Variants in OOEP observed in about 807,000 individuals in gnomAD.
OOEP encodes oocyte-expressed protein homolog.
In OOEP, 16 loss-of-function variants were observed where a neutral mutation model predicts 13.7. The observed-to-expected ratio is 1.16, with a 90% CI of 0.79 to 1.77. The LOEUF is 1.77. Among genes scored for constraint, OOEP ranks in the 40% most tolerant of loss-of-function variants. The pLI, the probability that OOEP is intolerant of heterozygous loss-of-function variation, is 0.00. For synonymous variants in OOEP, 89 were observed against 77.1 expected (o/e 1.15, Z -0.81); for missense variants, 195 against 193.1 (o/e 1.01, Z -0.06).
upstream of OOEP, among the ~76,000 whole-genome samples, chr6:73,371,188 T>G (rs568240610): frequency 9.7e-4 from 148 of 152,338 alleles, no homozygotes; most frequent in Non-Finnish European, 1.7e-3. Flanking sequence ...TCCAGTTTTC[T>G]GCCCCTGATC....
At chr6:73,379,729 A>T (rs1304943412) in intron 2 of OOEP, among the ~76,000 whole-genome samples, 2 of 149,938 alleles carry the variant, frequency 1.3e-5, no homozygotes, top group East Asian at 3.9e-4. Flanking sequence ...CTGGTTTCTC[A>T]TATCTTTTTT....
intron 2 of OOEP, among the ~76,000 whole-genome samples, chr6:73,388,407 A>G (rs987788925): frequency 2.6e-5 from 4 of 152,224 alleles, no homozygotes; most frequent in African/African-American, 9.7e-5. Flanking sequence ...GAAGGACCAA[A>G]TTTATCTCTG....
intron 2 of OOEP, 148 bp from the exon 3 acceptor site, chr6:73,369,011 A>G: frequency 1.2e-6 from 1 of 810,756 alleles, no homozygotes; most frequent in Non-Finnish European, 2.0e-6. Flanking sequence ...GATGGGTCTG[A>G]ATCTATCAGA....
At chr6:73,368,976 C>T in intron 2 of OOEP, 113 bp from the exon 3 acceptor site, 2 of 905,104 alleles carry the variant, frequency 2.2e-6, no homozygotes, top group Non-Finnish European at 1.8e-6. Context: ...AGTGCTGTAA[C>T]CCAGGTGAGG....
At chr6:73,370,431 A>G (rs1423841155), upstream of OOEP, among the ~76,000 whole-genome samples, 1 of 151,398 alleles carries the variant, frequency 6.6e-6, no homozygotes, top group Non-Finnish European at 1.5e-5. Flanking sequence ...GACAACCATT[A>G]TCGATGGACA....
At chr6:73,381,042 C>G (rs1363553422) in intron 2 of OOEP, among the ~76,000 whole-genome samples, 1 of 151,068 alleles carries the variant, frequency 6.6e-6, no homozygotes, top group Non-Finnish European at 1.5e-5. Context: ...ACCTGTAATC[C>G]CAGCTCCTTT....
chr6:73,371,086 G>A (rs1769046215), upstream of OOEP, among the ~76,000 whole-genome samples: 1 of 152,046 alleles, frequency 6.6e-6, no homozygotes, highest in Admixed American at 6.6e-5. Context: ...GATTACAGGC[G>A]TGAGCCACCA....
intron 2 of OOEP, among the ~76,000 whole-genome samples, chr6:73,376,650 T>G (rs181998635): frequency 1.4e-4 from 21 of 151,552 alleles, no homozygotes; most frequent in African/African-American, 4.9e-4. Context: ...TTTTTGTGGT[T>G]TTTGTTTGTT....
chr6:73,369,530 G>A, intron 1 of OOEP, 73 bp downstream of exon 1: 15 of 1,533,510 alleles, frequency 9.8e-6, no homozygotes, highest in South Asian at 7.1e-5. Flanking sequence ...GAAAGAGACT[G>A]TAGAGAGCTG....
At chr6:73,381,069 G>T (rs535826279) in intron 2 of OOEP, among the ~76,000 whole-genome samples, 5 of 152,130 alleles carry the variant, frequency 3.3e-5, no homozygotes, top group African/African-American at 9.6e-5. Context: ...TGAGGCAGGA[G>T]AATTGCTTGA....
At chr6:73,371,516 A>G (rs1026608827), upstream of OOEP, among the ~76,000 whole-genome samples, 1 of 152,128 alleles carries the variant, frequency 6.6e-6, no homozygotes, top group African/African-American at 2.4e-5. Flanking sequence ...TGGGAGGCTG[A>G]GGCGGGCAGA....
chr6:73,368,713 T>G lies in OOEP; in HGVS notation c.*71A>C. 1.0e-6 allele frequency: 1 copy of G among 990,726 alleles called. No individual in the cohort carries two copies. The highest frequency in any genetic ancestry group is 1.6e-6 in the Non-Finnish European group (1 of 618,636). The allele number at this position is 990,726 out of a possible 1,614,324, so 61.4% of individuals were successfully genotyped here. On this transcript the variant is annotated 3_prime_UTR_variant, in exon 3 of 3. Transcript: ENST00000370359. ...GGAATACGGGGATTTAAGAATGCTATACTTGCTTTTCTTCAACTTTAGCAG... is the reference window on the plus strand; with the variant it reads ...GGAATACGGGGATTTAAGAATGCTAGACTTGCTTTTCTTCAACTTTAGCAG...
intron 2 of OOEP, among the ~76,000 whole-genome samples, chr6:73,386,816 A>G (rs1008856593): frequency 8.6e-5 from 13 of 151,728 alleles, no homozygotes; most frequent in Non-Finnish European, 1.6e-4. Context: ...AAATACAAAA[A>G]AATTAGCCAG....
chr6:73,394,028 T>G (rs758737218), intron 2 of OOEP, among the ~76,000 whole-genome samples: 22 of 152,116 alleles, frequency 1.4e-4, no homozygotes, highest in Non-Finnish European at 3.2e-4. Context: ...TCAGTGATCT[T>G]TAAGCTGTGG....
At chr6:73,373,019 A>G, upstream of OOEP, 2 of 1,075,072 alleles carry the variant, frequency 1.9e-6, no homozygotes, top group Non-Finnish European at 2.8e-6. Context: ...CGAAATCTCC[A>G]GATAGTGGTG....
At chr6:73,384,449 C>T (rs1177558304) in intron 2 of OOEP, among the ~76,000 whole-genome samples, 1 of 152,192 alleles carries the variant, frequency 6.6e-6, no homozygotes, top group East Asian at 1.9e-4. Context: ...ATCAGCATCA[C>T]CTTAATACCA....
upstream of OOEP, among the ~76,000 whole-genome samples, chr6:73,372,829 G>A (rs17756210): frequency 0.059 from 9,020 of 152,100 alleles, 348 homozygotes; most frequent in Middle Eastern, 0.11. Flanking sequence ...ATCAAAATGG[G>A]AAAGCGGCCA....
At chr6:73,389,862 A>T (rs1443703977) in intron 2 of OOEP, among the ~76,000 whole-genome samples, 2 of 152,230 alleles carry the variant, frequency 1.3e-5, no homozygotes, top group Non-Finnish European at 2.9e-5. Context: ...TAAAATACAG[A>T]ACTAAAAATA....
chr6:73,372,740 A>G (rs927462912), upstream of OOEP, among the ~76,000 whole-genome samples: 1 of 152,066 alleles, frequency 6.6e-6, no homozygotes, highest in Non-Finnish European at 1.5e-5. Flanking sequence ...TGGCTGGGTT[A>G]ATAGAACACT....
Sources: allele counts gnomAD v4.1 joint callset (sites outside exome capture counted in the v4.1 genomes callset), GRCh38; gene constraint gnomAD v4.1.1; transcripts MANE v1.5; gene names NCBI Gene and HGNC (gene_info 2026-07-23, HGNC 2026-07-21).